The following PTPRN2 variants were observed in gnomAD, a reference collection of about 807,000 sequenced individuals.
PTPRN2 encodes the protein receptor-type tyrosine-protein phosphatase N2.
PTPRN2 carries 74 observed loss-of-function variants against 118.8 expected under a neutral mutation model. The ratio of observed to expected loss-of-function variants is 0.62; its 90% CI spans 0.52 to 0.76. PTPRN2 has a LOEUF of 0.76. PTPRN2 is among the 30% of genes least tolerant of loss of function. The pLI, the probability that PTPRN2 is intolerant of heterozygous loss-of-function variation, is 0.00. For synonymous variants in PTPRN2, 641 were observed against 608.0 expected, an observed-to-expected ratio of 1.05 and a Z score of -0.80; for missense variants, 1,481 against 1,394.4, an observed-to-expected ratio of 1.06 and a Z score of -0.99.
rs1193918832 is a variant in PTPRN2 at position 157,945,678 on chromosome 7, CCGCCTCCAGCTTGGACGAT to C, written c.1724-46960_1724-46942del. On this transcript the variant is annotated intron_variant, in intron 11 of 22. Transcript: ENST00000389418. Reference sequence around the variant, plus strand: ...GATGCCGCCTCCAGCTTGGACGATGCCGCCTCCAGCTTGGACGATGTCACCTCCAACTTGGATGATGCCA... The same window carrying C: ...GATGCCGCCTCCAGCTTGGACGATGCGTCACCTCCAACTTGGATGATGCCA... Among the ~76,000 whole-genome samples the C allele has an allele frequency of 2.3e-3, 349 of 151,670 alleles. 1 individual carries two copies. Among genetic ancestry groups the C allele is most frequent in the South Asian group, 0.014 (69 of 4,792 alleles).
chr7:158,531,874 C>T (rs573488458), intron 1 of PTPRN2, among the ~76,000 whole-genome samples: 52 of 152,172 alleles, frequency 3.4e-4, no homozygotes, highest in Non-Finnish European at 5.0e-4. Context: ...CTACTAGGCA[C>T]CTGGAAGCTG....
Position 157,813,052 on chromosome 7 carries a change from G to A in PTPRN2, c.1788+85621C>T, listed in dbSNP as rs1313354223. On this transcript the variant is annotated intron_variant, in intron 12 of 22. Coordinates refer to ENST00000389418, the MANE Select transcript of PTPRN2 (RefSeq NM_002847.5). The surrounding 1 kb of genome is among the most constrained non-coding windows in gnomAD (Gnocchi z 4.7). ...GAGATGACTCGGTGACAAACAGGAG[G>A]ACGGTGCTCAAATGACTGTGACACG... Among the ~76,000 whole-genome samples the A allele has an allele frequency of 6.6e-6, 1 of 152,154 alleles. No homozygotes were observed. The highest frequency in any genetic ancestry group is 1.5e-5 in the Non-Finnish European group (1 of 68,036).
At chr7:158,131,834 A>C in intron 9 of PTPRN2, among the ~76,000 whole-genome samples, 1 of 148,798 alleles carries the variant, frequency 6.7e-6, no homozygotes, top group African/African-American at 2.5e-5. Context: ...ACACACATCT[A>C]CCCAACACAC....
At chr7:158,344,139 T>A (rs1364476537) in intron 2 of PTPRN2, among the ~76,000 whole-genome samples, 3 of 151,926 alleles carry the variant, frequency 2.0e-5, no homozygotes, top group Non-Finnish European at 2.9e-5. Context: ...CCTGGGCCCT[T>A]AGAAGCCGTG....
At chr7:158,065,290 G>A (rs1295019032) in intron 11 of PTPRN2, among the ~76,000 whole-genome samples, 1 of 152,208 alleles carries the variant, frequency 6.6e-6, no homozygotes, top group Admixed American at 6.5e-5. Context: ...AGCTTCAGGT[G>A]AGTTTTCTCA....
intron 11 of PTPRN2, among the ~76,000 whole-genome samples, chr7:157,926,693 A>T (rs977683382): frequency 6.6e-6 from 1 of 152,060 alleles, no homozygotes; most frequent in Admixed American, 6.6e-5. Flanking sequence ...ACTCACAAAC[A>T]CCCACAGACC....
At chr7:157,542,726 G>A (rs1397595235) in intron 22 of PTPRN2, among the ~76,000 whole-genome samples, 1 of 152,230 alleles carries the variant, frequency 6.6e-6, no homozygotes, top group Non-Finnish European at 1.5e-5. Context: ...CACTGGCCAT[G>A]TTTGGCAATT....
At chr7:157,826,701 G>A (rs982387177) in intron 12 of PTPRN2, among the ~76,000 whole-genome samples, 2 of 152,192 alleles carry the variant, frequency 1.3e-5, no homozygotes, top group African/African-American at 2.4e-5. Context: ...GGTAATCTCA[G>A]CGGAGCCTGG....
intron 12 of PTPRN2, among the ~76,000 whole-genome samples, chr7:157,884,286 A>G (rs1796336238): frequency 6.6e-6 from 1 of 152,256 alleles, no homozygotes; most frequent in African/African-American, 2.4e-5. Flanking sequence ...CCTTTTTGGC[A>G]TAAGGATTAT....
chr7:158,268,815 CG>C (rs1798091052), intron 3 of PTPRN2, among the ~76,000 whole-genome samples: 1 of 141,586 alleles, frequency 7.1e-6, no homozygotes, highest in African/African-American at 2.7e-5. Flanking sequence ...ATATCCCAGC[CG>C]CACGCACACA....
rs544872266 is a variant in PTPRN2 at position 157,785,331 on chromosome 7, C to T, written c.1789-102394G>A. Among the ~76,000 whole-genome samples the T allele has an allele frequency of 2.6e-3, 403 of 152,266 alleles. 5 individuals are homozygous for T. The highest frequency in any genetic ancestry group is 4.8e-3 in the Admixed American group (74 of 15,296). On this transcript the variant is annotated intron_variant, in intron 12 of 22. Transcript: ENST00000389418. This position sits in a 1 kb window ranked among gnomAD's most constrained non-coding sequence, Gnocchi z 7.3. ...CGGTGGATCCACAGCTGCCGCGGGT[C>T]CCCCCAACCCCAAAGCCACTGAGTG...
At chr7:158,164,573 A>T (rs1421848358) in intron 6 of PTPRN2, among the ~76,000 whole-genome samples, 1 of 151,460 alleles carries the variant, frequency 6.6e-6, no homozygotes, top group East Asian at 2.0e-4. Flanking sequence ...CACGCAGAGC[A>T]GGAATGCGTC....
intron 3 of PTPRN2, among the ~76,000 whole-genome samples, chr7:158,262,898 C>G (rs912047136): frequency 6.1e-5 from 9 of 147,942 alleles, no homozygotes; most frequent in Non-Finnish European, 1.2e-4. Context: ...TTCACACACA[C>G]TGCAAACATT....
intron 21 of PTPRN2, among the ~76,000 whole-genome samples, chr7:157,561,241 G>A (rs1040040385): frequency 5.3e-5 from 8 of 151,106 alleles, no homozygotes; most frequent in South Asian, 2.1e-4. Context: ...CTGCCCGGCC[G>A]GTCTCCCCGC....
chr7:158,044,331 G>A (rs564671441), intron 11 of PTPRN2, among the ~76,000 whole-genome samples: 10 of 152,270 alleles, frequency 6.6e-5, no homozygotes, highest in Admixed American at 5.9e-4. Context: ...AGGCAGGGGT[G>A]GGGGGCGTCC....
chr7:157,569,731 C>T (rs1405693606), intron 20 of PTPRN2, among the ~76,000 whole-genome samples: 2 of 152,210 alleles, frequency 1.3e-5, no homozygotes, highest in African/African-American at 2.4e-5. Flanking sequence ...TTCCTGCCCC[C>T]GTGCAGACGC....
chr7:158,506,605 G>A (rs1002058484), intron 1 of PTPRN2, among the ~76,000 whole-genome samples: 1 of 151,790 alleles, frequency 6.6e-6, no homozygotes, highest in Non-Finnish European at 1.5e-5. Context: ...GGGTCTACAG[G>A]AGCCCCATGA....
intron 2 of PTPRN2, among the ~76,000 whole-genome samples, chr7:158,361,572 G>A (rs1189799717): frequency 6.6e-6 from 1 of 152,176 alleles, no homozygotes. Flanking sequence ...TCAGACCTGA[G>A]ACCCAAACAG....
intron 11 of PTPRN2, among the ~76,000 whole-genome samples, chr7:157,988,360 G>A (rs1296357032): frequency 1.3e-5 from 2 of 152,200 alleles, no homozygotes; most frequent in Non-Finnish European, 2.9e-5. Flanking sequence ...CGTGCCCCCA[G>A]CTCTCCTGAG....
Sources: gnomAD v4.1 joint callset for allele counts (sites outside exome capture counted in the v4.1 genomes callset) on GRCh38, gnomAD v4.1.1 for gene constraint, Gnocchi (gnomAD v3.1) non-coding constraint, MANE v1.5 for transcripts, NCBI Gene and HGNC (gene_info 2026-07-23, HGNC 2026-07-21) for gene names.